The following MATCAP2 variants were observed in gnomAD, a reference collection of about 807,000 sequenced individuals.
The protein encoded by MATCAP2 is putative tyrosine carboxypeptidase MATCAP2.
the MATCAP2 span, chr7:36,356,723 A>G: frequency 8.0e-6 from 5 of 622,950 alleles, no homozygotes; most frequent in East Asian, 2.7e-5. Context: ...GATGAATGCA[A>G]TGGAGTTTAT....
At chr7:36,376,283 A>G in the MATCAP2 span, among the ~76,000 whole-genome samples, 3 of 152,194 alleles carry the variant, frequency 2.0e-5, no homozygotes, top group Admixed American at 6.5e-5. Flanking sequence ...AGATTCTGGT[A>G]TGTTGTGTCT....
At chr7:36,342,211 A>G in the MATCAP2 span, among the ~76,000 whole-genome samples, 3 of 149,058 alleles carry the variant, frequency 2.0e-5, no homozygotes, top group Non-Finnish European at 3.0e-5. Flanking sequence ...ATGGAGTCTC[A>G]TCCTGTTGTC....
chr7:36,336,594 A>C, the MATCAP2 span, among the ~76,000 whole-genome samples: 2 of 152,116 alleles, frequency 1.3e-5, no homozygotes, highest in Admixed American at 6.6e-5. Flanking sequence ...TAGGCTGAGA[A>C]GCTGGGGAGA....
chr7:36,334,444 G>C, the MATCAP2 span, among the ~76,000 whole-genome samples: 2 of 142,858 alleles, frequency 1.4e-5, no homozygotes, highest in Non-Finnish European at 3.0e-5. Flanking sequence ...CTGAGGTGAA[G>C]AGGATCACTT....
the MATCAP2 span, among the ~76,000 whole-genome samples, chr7:36,372,868 G>T: frequency 6.6e-6 from 1 of 152,176 alleles, no homozygotes; most frequent in African/African-American, 2.4e-5. Context: ...ACTTTGGGAG[G>T]CCAAGGTGGG....
At chr7:36,389,783 G>A in the MATCAP2 span, 12 of 636,638 alleles carry the variant, frequency 1.9e-5, no homozygotes, top group African/African-American at 1.2e-4. Flanking sequence ...CAGGGGCGGG[G>A]AGAGGGCGCC....
At chr7:36,356,694 A>G in the MATCAP2 span, 3 of 606,332 alleles carry the variant, frequency 4.9e-6, no homozygotes, top group South Asian at 4.1e-5. Context: ...AAGAGCCTAT[A>G]TAACAGATTA....
At chr7:36,390,147 C>CGTGTGTGCGCGCGTGCGCA in the MATCAP2 span, 12 of 1,587,688 alleles carry the variant, frequency 7.6e-6, no homozygotes, top group African/African-American at 1.5e-4. Flanking sequence ...GCGGAGGGCG[C>CGTGTGTGCGCGCGTGCGCA]GTGTGTGCGC....
chr7:36,324,190 A>C, the MATCAP2 span: 1 of 152,228 alleles, frequency 6.6e-6, no homozygotes, highest in Non-Finnish European at 1.5e-5. Flanking sequence ...CAAAGAAACC[A>C]AGTTACATGC....
At chr7:36,354,152 T>G in the MATCAP2 span, among the ~76,000 whole-genome samples, 1 of 152,234 alleles carries the variant, frequency 6.6e-6, no homozygotes, top group Admixed American at 6.5e-5. Context: ...GCTGCCAGCA[T>G]GCAGCAAGCC....
At chr7:36,326,702 C>G in the MATCAP2 span, 1 of 1,459,084 alleles carries the variant, frequency 6.9e-7, no homozygotes, top group Non-Finnish European at 9.3e-7. Context: ...GCTAACTGCA[C>G]CTAACTGGTA....
chr7:36,342,774 G>A, the MATCAP2 span, among the ~76,000 whole-genome samples: 1 of 152,142 alleles, frequency 6.6e-6, no homozygotes, highest in African/African-American at 2.4e-5. Flanking sequence ...GCAGGCGCAT[G>A]CTGCCACGCC....
At chr7:36,366,843 T>A in the MATCAP2 span, 5 of 1,512,926 alleles carry the variant, frequency 3.3e-6, no homozygotes, top group Non-Finnish European at 4.4e-6. Flanking sequence ...TGGCTACCAT[T>A]ACCTGAGCCC....
At chr7:36,342,150 T>C in the MATCAP2 span, among the ~76,000 whole-genome samples, 7 of 151,974 alleles carry the variant, frequency 4.6e-5, no homozygotes, top group African/African-American at 1.4e-4. Flanking sequence ...AATGTTTTGG[T>C]GGAGTATAGT....
chr7:36,373,008 G>A, the MATCAP2 span, among the ~76,000 whole-genome samples: 1 of 151,510 alleles, frequency 6.6e-6, no homozygotes, highest in South Asian at 2.1e-4. Context: ...GGGAGGCTGA[G>A]CCAGGAGGAT....
chr7:36,375,947 T>G, the MATCAP2 span, among the ~76,000 whole-genome samples: 1 of 152,238 alleles, frequency 6.6e-6, no homozygotes, highest in Non-Finnish European at 1.5e-5. Context: ...CCCTTTATCA[T>G]TTTTTATTGC....
chr7:36,363,358 C>G, the MATCAP2 span, among the ~76,000 whole-genome samples: 25 of 152,296 alleles, frequency 1.6e-4, no homozygotes, highest in East Asian at 4.6e-3. Context: ...GATAGGCAAT[C>G]ATAAATGAAC....
At chr7:36,331,766 C>T in the MATCAP2 span, among the ~76,000 whole-genome samples, 2 of 152,230 alleles carry the variant, frequency 1.3e-5, no homozygotes, top group Non-Finnish European at 2.9e-5. Context: ...GAACCTTTTT[C>T]CCATCCTGAC....
At chr7:36,366,019 CA>C in the MATCAP2 span, among the ~76,000 whole-genome samples, 1 of 152,134 alleles carries the variant, frequency 6.6e-6, no homozygotes, top group Non-Finnish European at 1.5e-5. Context: ...TAAATATTTT[CA>C]CTGGAAAGAG....
Sources: allele counts gnomAD v4.1 joint callset (sites outside exome capture counted in the v4.1 genomes callset), GRCh38; gene constraint gnomAD v4.1.1; transcripts MANE v1.5; gene names NCBI Gene and HGNC (gene_info 2026-07-23, HGNC 2026-07-21).